POLI: variants seen among roughly 807,000 people sequenced by gnomAD.
POLI encodes DNA polymerase iota.
POLI carries 58 observed loss-of-function variants against 51.6 expected under a neutral mutation model. That is an observed-to-expected ratio of 1.12 (90% CI 0.91 to 1.40). The LOEUF (loss-of-function observed/expected upper bound fraction) is 1.40. Among genes scored for constraint, POLI ranks in the 40% most tolerant of loss-of-function variants. The pLI, the probability that POLI is intolerant of heterozygous loss-of-function variation, is 0.00. For missense variants in POLI, 921 were observed against 871.3 expected, an observed-to-expected ratio of 1.06 and a Z score of -0.72; for synonymous variants, 322 against 299.7, an observed-to-expected ratio of 1.07 and a Z score of -0.77.
chr18:54,279,071 T>G (rs1223525090), intron 4 of POLI, among the ~76,000 whole-genome samples: 1 of 152,110 alleles, frequency 6.6e-6, no homozygotes, highest in Non-Finnish European at 1.5e-5. Context: ...AAGGCAAACT[T>G]GGATTTTATT....
chr18:54,273,441 G>A (rs1372156719), intron 2 of POLI, among the ~76,000 whole-genome samples: 4 of 142,148 alleles, frequency 2.8e-5, no homozygotes, highest in African/African-American at 8.0e-5. Context: ...AAATTAATCT[G>A]CTTTTATATT....
chr18:54,310,426 A>G (rs1252013114), intron 3 of POLI, among the ~76,000 whole-genome samples: 1 of 151,928 alleles, frequency 6.6e-6, no homozygotes. Flanking sequence ...ACTTGTAAAT[A>G]AGTTATAAGG....
In POLI at chr18:54,308,129, GTTAGCTGGTTAT is replaced by G. The variant is rs536841451; in HGVS notation, c.334-12141_334-12130del. 2.7e-3 allele frequency among the ~76,000 whole-genome samples: 408 copies of G among 152,236 alleles called. 4 individuals are homozygous for G. Among genetic ancestry groups the G allele is most frequent in the African/African-American group, 9.5e-3 (396 of 41,532 alleles). ...GTGAATTTGATCCTGTTATTATGATGTTAGCTGGTTATTTTGCCCGTTAGTTGATGCAGTTTC... is the reference window on the plus strand; with the variant it reads ...GTGAATTTGATCCTGTTATTATGATGTTTGCCCGTTAGTTGATGCAGTTTC... On this transcript the variant is annotated intron_variant, in intron 3 of 4. Transcript: ENST00000579823.
chr18:54,273,441 G>T (rs1372156719), intron 2 of POLI, among the ~76,000 whole-genome samples: 2 of 142,206 alleles, frequency 1.4e-5, no homozygotes, highest in African/African-American at 2.7e-5. Context: ...AAATTAATCT[G>T]CTTTTATATT....
At chr18:54,283,810 CAA>C (rs1326001194) in intron 6 of POLI, 110 bp from the exon 7 acceptor site, 3 of 502,414 alleles carry the variant, frequency 6.0e-6, no homozygotes, top group African/African-American at 3.9e-5. Flanking sequence ...AAACTAAGGA[CAA>C]GAGGTAAGTT....
chr18:54,283,881 A>C (rs1252384315), intron 6 of POLI, 41 bp from the exon 7 acceptor site: 3 of 718,382 alleles, frequency 4.2e-6, no homozygotes, highest in Non-Finnish European at 7.1e-6. Context: ...AGATATAGTT[A>C]TTTGAGTTTG....
At chr18:54,276,284 C>T (rs1005509156) in intron 3 of POLI, among the ~76,000 whole-genome samples, 2 of 152,002 alleles carry the variant, frequency 1.3e-5, no homozygotes, top group Non-Finnish European at 2.9e-5. Flanking sequence ...TTGCTTGGGC[C>T]CAGGAGGTCA....
Position 54,293,666 on chromosome 18 carries a change from T to C in POLI, c.1422T>C (p.His474=). ...TGTTCTAGAAAATGAAAGACACTCA[T>C]ATGGAAGATTTTCCCAAAGACAAAG... ...GKHSFKMKDT[H]MEDFPKDKET... Residue 474 remains histidine, a synonymous_variant, in exon 10 of 10, where the codon CAT becomes CAC. Coordinates refer to ENST00000579534, the MANE Select transcript of POLI (RefSeq NM_007195.3). 2 of 1,576,362 alleles carry C rather than the reference T, an allele frequency of 1.3e-6. No homozygotes were observed. The highest frequency in any genetic ancestry group is 8.6e-7 in the Non-Finnish European group (1 of 1,164,222).
At chr18:54,311,873 T>C (rs764608537) in intron 3 of POLI, among the ~76,000 whole-genome samples, 1 of 152,206 alleles carries the variant, frequency 6.6e-6, no homozygotes, top group Non-Finnish European at 1.5e-5. Flanking sequence ...TCATATCTAA[T>C]CAGGATTAAT....
chr18:54,314,416 T>G (rs2088706399), intron 3 of POLI, among the ~76,000 whole-genome samples: 1 of 152,192 alleles, frequency 6.6e-6, no homozygotes, highest in Admixed American at 6.5e-5. Context: ...TCATCAGCAA[T>G]ATTGGCCTGA....
At chr18:54,271,810 C>G (rs200218119) in intron 2 of POLI, among the ~76,000 whole-genome samples, 3 of 152,188 alleles carry the variant, frequency 2.0e-5, no homozygotes, top group African/African-American at 7.2e-5. Flanking sequence ...GCTTTGTTCT[C>G]AAAAACAGCC....
At chr18:54,270,488 C>T (rs1476358420) in intron 1 of POLI, 1 of 152,212 alleles carries the variant, frequency 6.6e-6, no homozygotes, top group African/African-American at 2.4e-5. Flanking sequence ...TTTAGGTTTA[C>T]CTGAAAGTTG....
intron 4 of POLI, among the ~76,000 whole-genome samples, chr18:54,280,382 A>G (rs1017988648): frequency 2.0e-5 from 3 of 150,986 alleles, no homozygotes; most frequent in African/African-American, 7.4e-5. Context: ...TGGAACTAAT[A>G]CAGTCAGAAA....
chr18:54,278,904 A>G (rs911924430), intron 4 of POLI, among the ~76,000 whole-genome samples: 4 of 152,204 alleles, frequency 2.6e-5, no homozygotes, highest in African/African-American at 7.2e-5. Flanking sequence ...AGAACTAGAC[A>G]TCGGTCTACA....
In POLI at chr18:54,293,632, T is replaced by C; in HGVS notation, c.1405-17T>C. 6.7e-7 allele frequency: 1 copy of C among 1,501,766 alleles called. No individual in the cohort carries two copies. Among genetic ancestry groups the C allele is most frequent in the South Asian group, 1.3e-5 (1 of 74,252 alleles). The allele number at this position is 1,501,766 out of a possible 1,614,324, so 93.0% of individuals were successfully genotyped here. On this transcript the variant is annotated splice_polypyrimidine_tract_variant and intron_variant, in intron 9 of 9. Coordinates refer to ENST00000579534, the MANE Select transcript of POLI (RefSeq NM_007195.3). ...GATATCAGATATGTAAATTAGTCTG[T>C]TATTCTTGTGTTCTAGAAAATGAAA...
Position 54,294,562 on chromosome 18 carries a change from T to C in POLI, c.*95T>C, listed in dbSNP as rs751796176. 2.8e-6 allele frequency: 4 copies of C among 1,410,412 alleles called. No individual in the cohort carries two copies. Among genetic ancestry groups the C allele is most frequent in the South Asian group, 1.7e-5 (1 of 57,308 alleles). The allele number at this position is 1,410,412 out of a possible 1,614,324, so 87.4% of individuals were successfully genotyped here. ...CTTCTATATTAAACACTAATAGATA[T>C]TCAATAACGGAGTAAACTGTTCCAG... On this transcript the variant is annotated 3_prime_UTR_variant, in exon 10 of 10. Coordinates refer to ENST00000579534, the MANE Select transcript of POLI (RefSeq NM_007195.3).
downstream of POLI, chr18:54,298,249 G>A (rs997828038): frequency 5.6e-6 from 1 of 177,930 alleles, no homozygotes; most frequent in African/African-American, 2.4e-5. Flanking sequence ...GAAGTCCAGA[G>A]TTTTCTTTGG....
In POLI at chr18:54,293,752, C is replaced by A. The variant is rs1309578137; in HGVS notation, c.1508C>A (p.Pro503Gln). 1 of 1,605,322 alleles carries A rather than the reference C, an allele frequency of 6.2e-7. No individual in the cohort carries two copies. The change falls in exon 10 of 10, where the codon CCA becomes CAA. Residue 503 changes from proline (P) to glutamine (Q), a missense_variant. Pro to Gln is a moderately conservative substitution (Grantham distance 76). Coordinates refer to ENST00000579534, the MANE Select transcript of POLI (RefSeq NM_007195.3). ...RIESTRTRES[P>Q]LDTTNFSKEK... is the part of the protein sequence containing the mutation. The stretch of plus-strand genomic sequence containing the variant: ...GAAAGTACAAGAACTAGGGAGTCTC[C>A]ACTAGATACCACAAATTTTTCTAAA...
At chr18:54,290,892 G>C (rs544941814) in intron 8 of POLI, among the ~76,000 whole-genome samples, 3 of 152,166 alleles carry the variant, frequency 2.0e-5, no homozygotes, top group South Asian at 4.1e-4. Context: ...AGAGTTGATA[G>C]GTGTAGCAAA....
Sources: gnomAD v4.1 joint callset for allele counts (sites outside exome capture counted in the v4.1 genomes callset) on GRCh38, gnomAD v4.1.1 for gene constraint, MANE v1.5 for transcripts, NCBI Gene and HGNC (gene_info 2026-07-23, HGNC 2026-07-21) for gene names.